GTF2IRD1: variants seen among roughly 807,000 people sequenced by gnomAD.
The protein encoded by GTF2IRD1 is GTF2I repeat domain containing 1, also known as general transcription factor II-I repeat domain-containing protein 1.
In GTF2IRD1, 26 loss-of-function variants were observed where a neutral mutation model predicts 113.2. That is an observed-to-expected ratio of 0.23 (90% CI 0.17 to 0.32). GTF2IRD1 has a LOEUF of 0.32. GTF2IRD1 is among the 10% of genes least tolerant of loss of function. The pLI, the probability that GTF2IRD1 is intolerant of heterozygous loss-of-function variation, is 1.00. For missense variants in GTF2IRD1, 864 were observed against 1,280.8 expected (o/e 0.67, Z 4.97); for synonymous variants, 484 against 529.1 (o/e 0.91, Z 1.17).
At chr7:74,581,320 G>A (rs1181308271) in intron 22 of GTF2IRD1, among the ~76,000 whole-genome samples, 3 of 152,122 alleles carry the variant, frequency 2.0e-5, no homozygotes, top group African/African-American at 4.8e-5. Context: ...CCGCATGCCC[G>A]GCCCATTGCT....
intron 1 of GTF2IRD1, among the ~76,000 whole-genome samples, chr7:74,485,733 G>A (rs1009589154): frequency 6.6e-6 from 1 of 151,996 alleles, no homozygotes; most frequent in Admixed American, 6.6e-5. Context: ...ACCAGCCTGG[G>A]CAACATAGCA....
chr7:74,508,741 C>T (rs940010226), intron 2 of GTF2IRD1, among the ~76,000 whole-genome samples: 1 of 152,016 alleles, frequency 6.6e-6, no homozygotes, highest in African/African-American at 2.4e-5. Context: ...GGCTCTCCGC[C>T]CTCGTCCCCT....
intron 22 of GTF2IRD1, among the ~76,000 whole-genome samples, chr7:74,575,332 A>C (rs1800977100): frequency 6.6e-6 from 1 of 152,212 alleles, no homozygotes; most frequent in East Asian, 1.9e-4. Flanking sequence ...TCACCTGCCA[A>C]GGTATCAGAG....
chr7:74,544,677 C>T, intron 14 of GTF2IRD1, 78 bp from the exon 15 acceptor site: 1 of 1,437,300 alleles, frequency 7.0e-7, no homozygotes, highest in Non-Finnish European at 9.7e-7. Context: ...CATTCCCCAG[C>T]TATCTGGCCT....
At chr7:74,594,602 C>CCAGCAG (rs1377501621) in intron 24 of GTF2IRD1, among the ~76,000 whole-genome samples, 19 of 151,980 alleles carry the variant, frequency 1.3e-4, no homozygotes, top group African/African-American at 4.3e-4. Context: ...CCAGGCTCCC[C>CCAGCAG]CAGCAGCAGC....
chr7:74,513,630 C>T (rs1037314359), intron 3 of GTF2IRD1, among the ~76,000 whole-genome samples: 1 of 152,164 alleles, frequency 6.6e-6, no homozygotes, highest in South Asian at 2.1e-4. Context: ...TTATTGAATG[C>T]CTGCTGTACA....
At chr7:74,459,225 C>T (rs1554328359) in intron 1 of GTF2IRD1, among the ~76,000 whole-genome samples, 2 of 152,050 alleles carry the variant, frequency 1.3e-5, no homozygotes, top group South Asian at 2.1e-4. Context: ...TTCGGGAGAC[C>T]GAGGCGGGCG....
At chr7:74,526,105 C>T (rs782423001) in intron 8 of GTF2IRD1, among the ~76,000 whole-genome samples, 4 of 152,194 alleles carry the variant, frequency 2.6e-5, no homozygotes, top group African/African-American at 4.8e-5. Flanking sequence ...GTGAGCCAGG[C>T]GGAGGTTGGG....
intron 22 of GTF2IRD1, among the ~76,000 whole-genome samples, chr7:74,568,445 A>G (rs1333790297): frequency 5.3e-5 from 8 of 152,056 alleles, no homozygotes; most frequent in East Asian, 1.9e-4. Context: ...TCAGGAGATC[A>G]AGACCATCCT....
Position 74,545,345 on chromosome 7 carries a change from G to A in GTF2IRD1, c.1667-399G>A, listed in dbSNP as rs114861852. Reference sequence around the variant, plus strand: ...TTGTCACTTCCCCAAACCCAGCCTGGCAGGAGGAACCATGAAGTCTTAACA... The same window carrying A: ...TTGTCACTTCCCCAAACCCAGCCTGACAGGAGGAACCATGAAGTCTTAACA... On this transcript the variant is annotated intron_variant, in intron 15 of 26. Transcript: ENST00000424337. 2.1e-3 allele frequency among the ~76,000 whole-genome samples: 325 copies of A among 152,096 alleles called. 2 individuals carry two copies. The highest frequency in any genetic ancestry group is 7.6e-3 in the African/African-American group (315 of 41,508).
chr7:74,581,706 C>T (rs1463696353), intron 22 of GTF2IRD1, among the ~76,000 whole-genome samples: 1 of 152,210 alleles, frequency 6.6e-6, no homozygotes, highest in Non-Finnish European at 1.5e-5. Context: ...CCACCTGCAG[C>T]TCTCCGAGAT....
rs782695782 is a variant in GTF2IRD1, at chr7:74,601,193, C to G, written c.2766+13C>G. On this transcript the variant is annotated intron_variant, in intron 26 of 26. Coordinates refer to ENST00000424337, the MANE Select transcript of GTF2IRD1 (RefSeq NM_005685.4). Reference sequence around the variant, plus strand: ...GATCTCACTCGTGGTAAAGTTGCACCGATTTGGACTCCGGCACTCATCTCT... The same window carrying G: ...GATCTCACTCGTGGTAAAGTTGCACGGATTTGGACTCCGGCACTCATCTCT... The G allele has an allele frequency of 3.2e-6, 5 of 1,567,464 alleles. No homozygotes were observed. The highest frequency in any genetic ancestry group is 1.4e-5 in the African/African-American group (1 of 73,726).
chr7:74,471,684 A>C lies in GTF2IRD1; in HGVS notation c.-7+17508A>C, dbSNP rs573913544. Reference sequence around the variant, plus strand: ...TTTTTGAAATATTTAAAAAAAAAAAAAAAAACAAAAAAAAAAACAAAAAAA... The same window carrying C: ...TTTTTGAAATATTTAAAAAAAAAAACAAAAACAAAAAAAAAAACAAAAAAA... On this transcript the variant is annotated intron_variant, in intron 1 of 26. Coordinates refer to ENST00000424337, the MANE Select transcript of GTF2IRD1 (RefSeq NM_005685.4). Among the ~76,000 whole-genome samples the C allele has an allele frequency of 2.5e-3, 179 of 71,722 alleles. 2 individuals are homozygous for C. The highest frequency in any genetic ancestry group is 0.011 in the East Asian group (34 of 3,090). 47.1% of individuals were successfully genotyped at this position (71,722 alleles called of 152,430 possible). A position where few individuals can be genotyped will look rare whatever the true frequency, so the allele number is the denominator to read the frequency against.
chr7:74,592,538 T>C (rs1202722764), intron 24 of GTF2IRD1, among the ~76,000 whole-genome samples: 1 of 151,090 alleles, frequency 6.6e-6, no homozygotes, highest in Non-Finnish European at 1.5e-5. Flanking sequence ...TTTCTTTCTT[T>C]CTTTTTTTTT....
chr7:74,563,159 C>T (rs1484512649), intron 22 of GTF2IRD1, among the ~76,000 whole-genome samples: 19 of 151,822 alleles, frequency 1.3e-4, no homozygotes, highest in Admixed American at 7.9e-4. Context: ...AAAGGCCTAA[C>T]GGTGGGATCT....
In GTF2IRD1 at chr7:74,555,432, C is replaced by T; in HGVS notation, c.1967-6C>T. ...CTTGGCTTCTCTCCCCCTGCCCTGC[C>T]CCCAGAGAGGGATTCCGGGGACCCT... On this transcript the variant is annotated splice_polypyrimidine_tract_variant and splice_region_variant and intron_variant, in intron 18 of 26. Transcript: ENST00000424337. This position sits in a 1 kb window ranked among gnomAD's most constrained non-coding sequence, Gnocchi z 5.3. 1.9e-6 allele frequency: 3 copies of T among 1,613,950 alleles called. No homozygotes were observed. The highest frequency in any genetic ancestry group is 1.7e-6 in the Non-Finnish European group (2 of 1,179,782).
intron 1 of GTF2IRD1, among the ~76,000 whole-genome samples, chr7:74,496,590 G>GC (rs1795740024): frequency 6.8e-6 from 1 of 147,452 alleles, no homozygotes; most frequent in Non-Finnish European, 1.5e-5. Context: ...ATGTGTGTGG[G>GC]TGGGTGTGGG....
chr7:74,590,041 C>G, intron 23 of GTF2IRD1, 113 bp downstream of exon 23: 1 of 663,108 alleles, frequency 1.5e-6, no homozygotes, highest in Non-Finnish European at 2.7e-6. Flanking sequence ...TGCCTGCTCC[C>G]TGGTGACATG....
intron 25 of GTF2IRD1, among the ~76,000 whole-genome samples, chr7:74,597,641 C>A (rs1345347390): frequency 4.6e-5 from 7 of 152,164 alleles, no homozygotes; most frequent in African/African-American, 1.7e-4. Context: ...GCTACTGTGC[C>A]TGGCCGAGAC....
Sources: gnomAD v4.1 joint callset for allele counts (sites outside exome capture counted in the v4.1 genomes callset) on GRCh38, gnomAD v4.1.1 for gene constraint, Gnocchi (gnomAD v3.1) non-coding constraint, MANE v1.5 for transcripts, NCBI Gene and HGNC (gene_info 2026-07-23, HGNC 2026-07-21) for gene names.